The following ZNF438 variants were observed in gnomAD, a reference collection of about 807,000 sequenced individuals.
ZNF438 encodes the protein zinc finger protein 438.
Under a neutral mutation model 38.0 loss-of-function variants are expected in ZNF438, and 25 were observed. That is an observed-to-expected ratio of 0.66 (90% confidence interval 0.48 to 0.92). ZNF438 has a LOEUF of 0.92. ZNF438 is among the 40% of genes least tolerant of loss of function. The probability of loss-of-function intolerance (pLI) is 0.00; values close to 1 mark genes in which losing one functional copy is unlikely to be tolerated. For missense variants in ZNF438, 1,007 were observed against 999.6 expected, an observed-to-expected ratio of 1.01 and a Z score of -0.10; for synonymous variants, 372 against 364.1, an observed-to-expected ratio of 1.02 and a Z score of -0.25.
intron 1 of ZNF438, among the ~76,000 whole-genome samples, chr10:30,960,529 CTATT>C (rs2049347855): frequency 6.8e-6 from 1 of 147,048 alleles, no homozygotes; most frequent in Admixed American, 6.8e-5. Context: ...AACCCTTTCT[CTATT>C]TGTCTTAGCA....
intron 4 of ZNF438, among the ~76,000 whole-genome samples, chr10:30,873,116 T>C (rs1486243111): frequency 6.6e-6 from 1 of 152,212 alleles, no homozygotes; most frequent in Non-Finnish European, 1.5e-5. Context: ...TTTTCATGCC[T>C]CTTTTTTGAA....
intron 3 of ZNF438, among the ~76,000 whole-genome samples, chr10:30,886,225 C>A (rs1001810682): frequency 3.3e-5 from 5 of 152,136 alleles, no homozygotes; most frequent in Admixed American, 3.3e-4. Flanking sequence ...ACTGAAAATG[C>A]CACCTTTTTC....
At chr10:30,930,236 G>A (rs1218211216) in intron 2 of ZNF438, among the ~76,000 whole-genome samples, 1 of 152,122 alleles carries the variant, frequency 6.6e-6, no homozygotes, top group Non-Finnish European at 1.5e-5. Flanking sequence ...AGGTGGCTGA[G>A]ACCCGGCAAG....
At chr10:30,914,469 G>A (rs1278540371) in intron 2 of ZNF438, among the ~76,000 whole-genome samples, 2 of 151,672 alleles carry the variant, frequency 1.3e-5, no homozygotes, top group Admixed American at 1.3e-4. Flanking sequence ...AAATGAGTTC[G>A]AGAAAAACTA....
intron 1 of ZNF438, among the ~76,000 whole-genome samples, chr10:30,945,388 C>CTTTTTTTTTTTTTT (rs61149961): frequency 1.4e-5 from 2 of 141,124 alleles, no homozygotes; most frequent in African/African-American, 2.6e-5. Context: ...GATTCTTTTA[C>CTTTTTTTTTTTTTT]TTTTTTTTTT....
chr10:30,887,507 G>A (rs2040114815), intron 3 of ZNF438, among the ~76,000 whole-genome samples: 1 of 152,096 alleles, frequency 6.6e-6, no homozygotes, highest in Non-Finnish European at 1.5e-5. Context: ...TCCTGCCTCA[G>A]GCTCCTGAGT....
At chr10:30,917,758 T>C (rs946567191) in intron 2 of ZNF438, among the ~76,000 whole-genome samples, 2 of 152,152 alleles carry the variant, frequency 1.3e-5, no homozygotes, top group South Asian at 4.1e-4. Flanking sequence ...CTGTGGCTTG[T>C]TTTTTGTTTT....
intron 3 of ZNF438, among the ~76,000 whole-genome samples, chr10:30,887,748 C>A (rs1213612642): frequency 6.6e-6 from 1 of 152,116 alleles, no homozygotes; most frequent in Non-Finnish European, 1.5e-5. Flanking sequence ...CTAAAACAAA[C>A]CCAAGTACAT....
chr10:30,923,510 C>G (rs2044560243), intron 2 of ZNF438: 1 of 152,186 alleles, frequency 6.6e-6, no homozygotes, highest in Admixed American at 6.5e-5. Flanking sequence ...TAAGAATCCA[C>G]TTTCCATCTT....
At chr10:30,868,091 C>T (rs1302394512) in intron 4 of ZNF438, among the ~76,000 whole-genome samples, 6 of 144,770 alleles carry the variant, frequency 4.1e-5, no homozygotes, top group Admixed American at 6.9e-5. Context: ...TTTTTTGAGA[C>T]GGAGTTTCGC....
chr10:30,941,363 T>C (rs1333682810), intron 2 of ZNF438, among the ~76,000 whole-genome samples: 1 of 152,184 alleles, frequency 6.6e-6, no homozygotes, highest in African/African-American at 2.4e-5. Context: ...TGAGCCACCA[T>C]GCCTGGCCAG....
chr10:31,014,170 A>G (rs1425983605), intron 1 of ZNF438, among the ~76,000 whole-genome samples: 2 of 151,894 alleles, frequency 1.3e-5, no homozygotes, highest in African/African-American at 2.4e-5. Flanking sequence ...GTGTGATCTG[A>G]AAAAAAACAA....
At chr10:30,884,133 G>A (rs893471458) in intron 3 of ZNF438, among the ~76,000 whole-genome samples, 3 of 151,580 alleles carry the variant, frequency 2.0e-5, no homozygotes, top group Non-Finnish European at 4.4e-5. Context: ...GTTAGAAGAG[G>A]AGTGCCATCA....
rs141329068 is a variant in ZNF438, at chr10:30,844,987, C to T, written c.2461G>A (p.Glu821Lys). ...CATTTCTCAGCTTCACTGGAAAGTT[C>T]GATCACTCCCTGGTTGGAGACCGTA... The change falls in exon 6 of 6, where the codon GAA (glutamate) becomes AAA (lysine). Residue 821 changes from glutamate to lysine, a missense_variant. Coordinates refer to ENST00000413025, the Ensembl canonical transcript of ZNF438. 74 of 1,613,858 alleles carry T rather than the reference C, an allele frequency of 4.6e-5. 1 individual carries two copies. The African/African-American group carries it at 7.7e-4, about 17-fold the overall frequency.
intron 1 of ZNF438, among the ~76,000 whole-genome samples, chr10:30,942,142 C>G (rs1348342212): frequency 6.6e-6 from 1 of 152,094 alleles, no homozygotes; most frequent in African/African-American, 2.4e-5. Context: ...ATAATTACTA[C>G]AGGGAAAATG....
chr10:30,981,502 C>T (rs1216713092), intron 1 of ZNF438, among the ~76,000 whole-genome samples: 1 of 152,154 alleles, frequency 6.6e-6, no homozygotes, highest in Non-Finnish European at 1.5e-5. Flanking sequence ...CTCTCAGCCT[C>T]ATCTGTAAAG....
At chr10:30,852,500 G>A (rs1157602064) in intron 4 of ZNF438, among the ~76,000 whole-genome samples, 4 of 152,242 alleles carry the variant, frequency 2.6e-5, no homozygotes, top group South Asian at 2.1e-4. Flanking sequence ...GAGCCACCGC[G>A]CCCGGCCCGT....
intron 2 of ZNF438, among the ~76,000 whole-genome samples, chr10:30,936,079 AAG>A (rs2046226146): frequency 6.6e-6 from 1 of 152,206 alleles, no homozygotes; most frequent in South Asian, 2.1e-4. Context: ...AAAAGCCATG[AAG>A]ATTTCTAAGA....
intron 4 of ZNF438, among the ~76,000 whole-genome samples, chr10:30,873,163 A>C (rs1366773533): frequency 2.0e-5 from 3 of 152,166 alleles, no homozygotes; most frequent in South Asian, 2.1e-4. Flanking sequence ...AATAACAGAC[A>C]AAAAAAGGAG....
Sources: allele counts gnomAD v4.1 joint callset (sites outside exome capture counted in the v4.1 genomes callset), GRCh38; gene constraint gnomAD v4.1.1; transcripts MANE v1.5; gene names NCBI Gene and HGNC (gene_info 2026-07-23, HGNC 2026-07-21).